Variants in KCNK13 observed in about 807,000 individuals in gnomAD.
The protein encoded by KCNK13 is potassium channel subfamily K member 13.
KCNK13 carries 12 observed loss-of-function variants against 23.4 expected under a neutral mutation model. The ratio of observed to expected loss-of-function variants is 0.51; its 90% CI spans 0.33 to 0.83. The LOEUF is 0.83. KCNK13 is among the 40% of genes least tolerant of loss of function. The pLI is 0.02. For synonymous variants in KCNK13, 231 were observed against 229.5 expected, an observed-to-expected ratio of 1.01 and a Z score of -0.06; for missense variants, 463 against 556.3, an observed-to-expected ratio of 0.83 and a Z score of 1.69.
intron 1 of KCNK13, among the ~76,000 whole-genome samples, chr14:90,113,576 C>A (rs926066998): frequency 6.6e-6 from 1 of 152,010 alleles, no homozygotes; most frequent in African/African-American, 2.4e-5. Context: ...TAGTAACGTA[C>A]TAATGGTGGT....
At chr14:90,164,264 C>A (rs1223711786) in intron 1 of KCNK13, among the ~76,000 whole-genome samples, 2 of 152,138 alleles carry the variant, frequency 1.3e-5, no homozygotes, top group Non-Finnish European at 2.9e-5. Context: ...CTGGCTTTGG[C>A]CAAAGGAAAG....
At chr14:90,122,285 C>T (rs1001903021) in intron 1 of KCNK13, among the ~76,000 whole-genome samples, 5 of 151,316 alleles carry the variant, frequency 3.3e-5, no homozygotes, top group African/African-American at 1.2e-4. Flanking sequence ...TTCTGGATAA[C>T]AGGGCATGAA....
chr14:90,172,961 C>A (rs1890382378), intron 1 of KCNK13, among the ~76,000 whole-genome samples: 1 of 152,176 alleles, frequency 6.6e-6, no homozygotes, highest in South Asian at 2.1e-4. Context: ...TAAATTCACC[C>A]AGCAAACCTG....
intron 1 of KCNK13, among the ~76,000 whole-genome samples, chr14:90,152,470 G>A (rs1171559229): frequency 2.1e-4 from 32 of 152,128 alleles, no homozygotes; most frequent in Admixed American, 2.0e-3. Context: ...GGGAGGTGGA[G>A]GTTGTGGTGA....
intron 1 of KCNK13, among the ~76,000 whole-genome samples, chr14:90,090,327 T>C (rs1174425512): frequency 1.3e-5 from 2 of 152,222 alleles, no homozygotes; most frequent in Non-Finnish European, 2.9e-5. Flanking sequence ...AGCTCTAAGA[T>C]TGGACTGCCC....
chr14:90,155,708 C>T (rs1283651663), intron 1 of KCNK13, among the ~76,000 whole-genome samples: 1 of 152,014 alleles, frequency 6.6e-6, no homozygotes, highest in African/African-American at 2.4e-5. Context: ...TTATTTTAGT[C>T]CTCAACAACT....
intron 1 of KCNK13, among the ~76,000 whole-genome samples, chr14:90,080,730 C>G (rs1889198902): frequency 6.6e-6 from 1 of 152,092 alleles, no homozygotes; most frequent in Non-Finnish European, 1.5e-5. Flanking sequence ...TACTCCTCAC[C>G]CTAGACTGTC....
intron 1 of KCNK13, among the ~76,000 whole-genome samples, chr14:90,166,937 C>G (rs1370534185): frequency 3.3e-5 from 5 of 152,022 alleles, no homozygotes; most frequent in Non-Finnish European, 5.9e-5. Flanking sequence ...CTCATTTTAC[C>G]AAAGGGACAA....
intron 1 of KCNK13, among the ~76,000 whole-genome samples, chr14:90,092,714 G>A (rs1889362812): frequency 6.6e-6 from 1 of 152,056 alleles, no homozygotes; most frequent in African/African-American, 2.4e-5. Context: ...AGGAGTTTGA[G>A]ACCAGCCTGG....
At chr14:90,121,864 C>T (rs763296156) in intron 1 of KCNK13, among the ~76,000 whole-genome samples, 56 of 151,906 alleles carry the variant, frequency 3.7e-4, no homozygotes, top group Non-Finnish European at 7.1e-4. Flanking sequence ...GAATTACAGG[C>T]GTGCAACACC....
At chr14:90,093,780 T>G (rs769334544) in intron 1 of KCNK13, among the ~76,000 whole-genome samples, 1 of 152,212 alleles carries the variant, frequency 6.6e-6, no homozygotes, top group Middle Eastern at 3.2e-3. Context: ...TAAAGTTTCC[T>G]TGTTCATGGG....
intron 1 of KCNK13, among the ~76,000 whole-genome samples, chr14:90,068,964 G>C (rs1889040679): frequency 6.6e-6 from 1 of 151,478 alleles, no homozygotes; most frequent in African/African-American, 2.4e-5. Context: ...GAGGACCTGA[G>C]ATGCTCAGAT....
intron 1 of KCNK13, among the ~76,000 whole-genome samples, chr14:90,082,769 A>C (rs1173346817): frequency 1.3e-5 from 2 of 152,208 alleles, no homozygotes; most frequent in Admixed American, 6.5e-5. Context: ...CACAGAACAC[A>C]AGTTTTCTGT....
At chr14:90,174,802 C>T (rs894460858) in intron 1 of KCNK13, among the ~76,000 whole-genome samples, 2 of 151,828 alleles carry the variant, frequency 1.3e-5, no homozygotes, top group Non-Finnish European at 2.9e-5. Flanking sequence ...TGCAGTGAGC[C>T]GTGATCACAC....
At chr14:90,104,978 TG>T (rs1889527094) in intron 1 of KCNK13, among the ~76,000 whole-genome samples, 1 of 151,420 alleles carries the variant, frequency 6.6e-6, no homozygotes, top group Non-Finnish European at 1.5e-5. Context: ...TCAGTAGAGA[TG>T]GGGTTTCACC....
chr14:90,092,726 C>T (rs1444793195), intron 1 of KCNK13, among the ~76,000 whole-genome samples: 1 of 151,908 alleles, frequency 6.6e-6, no homozygotes, highest in Non-Finnish European at 1.5e-5. Context: ...CCAGCCTGGG[C>T]AACATAGCAA....
chr14:90,136,172 G>A (rs550628007), intron 1 of KCNK13, among the ~76,000 whole-genome samples: 1 of 152,246 alleles, frequency 6.6e-6, no homozygotes, highest in Admixed American at 6.5e-5. Context: ...AAGGCTGAAC[G>A]TCAAGGAAGT....
chr14:90,148,183 A>G (rs1890095545), intron 1 of KCNK13, among the ~76,000 whole-genome samples: 2 of 152,092 alleles, frequency 1.3e-5, no homozygotes, highest in Non-Finnish European at 2.9e-5. Context: ...AATAATAATA[A>G]CAAGTCTTAG....
intron 1 of KCNK13, among the ~76,000 whole-genome samples, chr14:90,111,355 T>G (rs1889613337): frequency 6.6e-6 from 1 of 152,162 alleles, no homozygotes; most frequent in Admixed American, 6.5e-5. Flanking sequence ...ATTTATTCAC[T>G]TTTTTCCCCG....
Sources: allele counts gnomAD v4.1 joint callset (sites outside exome capture counted in the v4.1 genomes callset), GRCh38; gene constraint gnomAD v4.1.1; transcripts MANE v1.5; gene names NCBI Gene and HGNC (gene_info 2026-07-23, HGNC 2026-07-21).